NCALD: variants seen among roughly 807,000 people sequenced by gnomAD.
NCALD encodes the protein neurocalcin-delta.
A neutral mutation model predicts 18.6 loss-of-function variants in NCALD; 10 were observed. The ratio of observed to expected loss-of-function variants is 0.54; its 90% confidence interval spans 0.33 to 0.91. NCALD has a LOEUF of 0.91. NCALD is among the 40% of genes least tolerant of loss of function. The probability of loss-of-function intolerance (pLI) is 0.03; values close to 1 mark genes in which losing one functional copy is unlikely to be tolerated. For synonymous variants in NCALD, 88 were observed against 87.4 expected (o/e 1.01, Z -0.04); for missense variants, 184 against 247.6 (o/e 0.74, Z 1.72).
At chr8:101,989,327 G>A (rs993389664) in intron 2 of NCALD, among the ~76,000 whole-genome samples, 4 of 152,122 alleles carry the variant, frequency 2.6e-5, no homozygotes, top group Non-Finnish European at 4.4e-5. Context: ...CTGGCAATGT[G>A]TATCCAGAGC....
intron 4 of NCALD, among the ~76,000 whole-genome samples, chr8:101,825,724 G>T (rs565424030): frequency 6.6e-6 from 1 of 152,228 alleles, no homozygotes; most frequent in Admixed American, 6.5e-5. Context: ...TAAAGCAGGG[G>T]TCTGTGAACT....
intron 1 of NCALD, among the ~76,000 whole-genome samples, chr8:102,085,620 G>T (rs1372037814): frequency 6.6e-6 from 1 of 152,136 alleles, no homozygotes; most frequent in African/African-American, 2.4e-5. Context: ...AGCTGGGCAT[G>T]GTGGCAGGTG....
chr8:101,811,344 G>A (rs1813297920), intron 4 of NCALD, among the ~76,000 whole-genome samples: 1 of 152,180 alleles, frequency 6.6e-6, no homozygotes, highest in South Asian at 2.1e-4. Flanking sequence ...AAGGGGCCAT[G>A]AGCCAAAGAT....
At chr8:102,045,976 C>G (rs1823225880) in intron 1 of NCALD, among the ~76,000 whole-genome samples, 1 of 152,176 alleles carries the variant, frequency 6.6e-6, no homozygotes, top group Admixed American at 6.5e-5. Flanking sequence ...GCTAAGATAA[C>G]TTTCTAATTA....
intron 2 of NCALD, among the ~76,000 whole-genome samples, chr8:101,993,288 G>A (rs1821120454): frequency 6.6e-6 from 1 of 151,976 alleles, no homozygotes. Context: ...AATATCATCA[G>A]TTTTCCAGAG....
chr8:101,754,202 T>C (rs1226727850), intron 1 of NCALD, among the ~76,000 whole-genome samples: 1 of 152,220 alleles, frequency 6.6e-6, no homozygotes, highest in Non-Finnish European at 1.5e-5. Flanking sequence ...TCTGGAATAA[T>C]AATTTTAGCT....
At chr8:102,012,041 C>A (rs1821920677) in intron 2 of NCALD, among the ~76,000 whole-genome samples, 1 of 152,150 alleles carries the variant, frequency 6.6e-6, no homozygotes, top group Non-Finnish European at 1.5e-5. Context: ...GAGGCAATGG[C>A]CACTGTGAGG....
At chr8:101,762,135 T>A in intron 1 of NCALD, among the ~76,000 whole-genome samples, 1 of 152,164 alleles carries the variant, frequency 6.6e-6, no homozygotes, top group South Asian at 2.1e-4. Flanking sequence ...GCTGAATCAA[T>A]ATCCCGACTA....
chr8:102,015,040 C>G (rs1214522934), intron 2 of NCALD, among the ~76,000 whole-genome samples: 2 of 152,094 alleles, frequency 1.3e-5, no homozygotes, highest in East Asian at 1.9e-4. Context: ...TGAGGTGATG[C>G]TCCCGAGATG....
At chr8:101,823,896 A>G (rs75904505) in intron 4 of NCALD, among the ~76,000 whole-genome samples, 3,353 of 152,288 alleles carry the variant, frequency 0.022, 119 homozygotes, top group East Asian at 0.12. Flanking sequence ...GCCTTCCAGA[A>G]TCCTAGGATG....
At chr8:101,852,746 G>A (rs901090838) in intron 4 of NCALD, 2 of 152,164 alleles carry the variant, frequency 1.3e-5, no homozygotes, top group Admixed American at 1.3e-4. Context: ...GATCTGCATT[G>A]GTGGGGACTG....
At chr8:101,880,272 G>C (rs1304945819) in intron 4 of NCALD, among the ~76,000 whole-genome samples, 1 of 152,156 alleles carries the variant, frequency 6.6e-6, no homozygotes, top group Non-Finnish European at 1.5e-5. Flanking sequence ...GGGGCCAGCA[G>C]CACTGGCCAG....
chr8:101,937,321 T>C (rs1428580916), intron 2 of NCALD, among the ~76,000 whole-genome samples: 1 of 152,198 alleles, frequency 6.6e-6, no homozygotes, highest in Non-Finnish European at 1.5e-5. Flanking sequence ...AGTTATTTTT[T>C]CTGCTCCTCT....
At chr8:101,893,305 G>A (rs1816993172) in intron 3 of NCALD, among the ~76,000 whole-genome samples, 1 of 150,860 alleles carries the variant, frequency 6.6e-6, no homozygotes, top group African/African-American at 2.5e-5. Flanking sequence ...TTACAGACAA[G>A]CAAATGCTGA....
At chr8:101,841,282 A>G (rs1814633083) in intron 4 of NCALD, among the ~76,000 whole-genome samples, 1 of 152,180 alleles carries the variant, frequency 6.6e-6, no homozygotes, top group African/African-American at 2.4e-5. Context: ...TGAGACTCAC[A>G]GGGAGGCTGT....
intron 1 of NCALD, among the ~76,000 whole-genome samples, chr8:101,755,242 T>C (rs1267966477): frequency 6.6e-6 from 1 of 152,234 alleles, no homozygotes; most frequent in East Asian, 1.9e-4. Context: ...TGACTCTAAC[T>C]CCTGGTTTGC....
chr8:101,740,411 A>G (rs1018207512), intron 1 of NCALD, among the ~76,000 whole-genome samples: 1 of 152,226 alleles, frequency 6.6e-6, no homozygotes, highest in African/African-American at 2.4e-5. Context: ...TGGAGGGTGA[A>G]GAATTACGGG....
intron 1 of NCALD, among the ~76,000 whole-genome samples, chr8:102,032,307 C>T (rs758001464): frequency 7.9e-5 from 12 of 152,148 alleles, no homozygotes; most frequent in South Asian, 2.1e-4. Flanking sequence ...ACCACACTTA[C>T]GGCTTCAAAA....
chr8:101,915,168 C>T (rs1323261096), intron 3 of NCALD, among the ~76,000 whole-genome samples: 3 of 152,152 alleles, frequency 2.0e-5, no homozygotes, highest in Non-Finnish European at 4.4e-5. Flanking sequence ...TGGATGTGTT[C>T]CATAGTCACC....
Sources: allele counts gnomAD v4.1 joint callset (sites outside exome capture counted in the v4.1 genomes callset), GRCh38; gene constraint gnomAD v4.1.1; transcripts MANE v1.5; gene names NCBI Gene and HGNC (gene_info 2026-07-23, HGNC 2026-07-21).